Variants in TENM2 observed in about 807,000 individuals in gnomAD.
TENM2 encodes teneurin-2.
In TENM2, 52 loss-of-function variants were observed where a neutral mutation model predicts 245.2. The ratio of observed to expected loss-of-function variants is 0.21; its 90% CI spans 0.17 to 0.27. The LOEUF is 0.27. TENM2 is among the 10% of genes least tolerant of loss of function. The pLI is 1.00. For synonymous variants in TENM2, 1,363 were observed against 1,438.9 expected (o/e 0.95, Z 1.19); for missense variants, 3,046 against 3,666.8 (o/e 0.83, Z 4.37).
intron 3 of TENM2, among the ~76,000 whole-genome samples, chr5:167,946,965 A>C (rs1247658323): frequency 6.6e-6 from 1 of 152,170 alleles, no homozygotes; most frequent in Non-Finnish European, 1.5e-5. Flanking sequence ...GAAATGGAGC[A>C]GTTCTGAATC....
intron 2 of TENM2, among the ~76,000 whole-genome samples, chr5:167,658,524 T>A (rs1166773661): frequency 6.6e-6 from 1 of 152,096 alleles, no homozygotes; most frequent in Non-Finnish European, 1.5e-5. Context: ...AGTTCTGCCC[T>A]TATGACTTAA....
chr5:168,048,735 A>G (rs1788831180), intron 6 of TENM2, among the ~76,000 whole-genome samples: 1 of 152,178 alleles, frequency 6.6e-6, no homozygotes, highest in Non-Finnish European at 1.5e-5. Context: ...ATGCTGCTTC[A>G]ATTATCCTCC....
the TENM2 span, among the ~76,000 whole-genome samples, chr5:167,236,757 A>AACATCCAC: frequency 6.6e-6 from 1 of 152,204 alleles, no homozygotes; most frequent in African/African-American, 2.4e-5. Flanking sequence ...GAGTCAGTAG[A>AACATCCAC]ACATCCACGG....
intron 4 of TENM2, among the ~76,000 whole-genome samples, chr5:167,961,963 C>T (rs987146630): frequency 5.9e-5 from 9 of 152,132 alleles, no homozygotes; most frequent in East Asian, 3.8e-4. Flanking sequence ...TAAGAACACA[C>T]GAAACACATA....
chr5:168,173,475 G>T (rs1025129425), intron 13 of TENM2, among the ~76,000 whole-genome samples: 1 of 152,126 alleles, frequency 6.6e-6, no homozygotes, highest in African/African-American at 2.4e-5. Flanking sequence ...ACCTCACAGT[G>T]AGTGTCGCCT....
At chr5:167,323,602 T>G (rs1188677403) in intron 1 of TENM2, among the ~76,000 whole-genome samples, 2 of 152,078 alleles carry the variant, frequency 1.3e-5, no homozygotes, top group South Asian at 4.2e-4. Context: ...TTTGAAGAAG[T>G]CAAAAAATTG....
chr5:167,777,269 A>G (rs2150808566), intron 2 of TENM2, among the ~76,000 whole-genome samples: 1 of 152,336 alleles, frequency 6.6e-6, no homozygotes, highest in South Asian at 2.1e-4. Flanking sequence ...TGGAATCTCA[A>G]TGTTGATAGT....
the TENM2 span, among the ~76,000 whole-genome samples, chr5:167,158,933 T>TCC: frequency 6.8e-6 from 1 of 146,044 alleles, no homozygotes; most frequent in Non-Finnish European, 1.5e-5. Context: ...TCTCTCTCTC[T>TCC]CCTTCTTTCT....
At chr5:167,918,290 A>G (rs994415071) in intron 3 of TENM2, among the ~76,000 whole-genome samples, 7 of 152,192 alleles carry the variant, frequency 4.6e-5, no homozygotes, top group Non-Finnish European at 1.0e-4. Flanking sequence ...AGCGCTGAAC[A>G]TTTTCAGGAT....
the TENM2 span, among the ~76,000 whole-genome samples, chr5:167,100,869 G>A: frequency 7.9e-5 from 12 of 152,068 alleles, no homozygotes; most frequent in South Asian, 2.1e-4. Flanking sequence ...AATAGAACAC[G>A]ATCTAAATAC....
At chr5:167,995,751 A>G (rs755735073) in intron 5 of TENM2, among the ~76,000 whole-genome samples, 11 of 152,242 alleles carry the variant, frequency 7.2e-5, no homozygotes, top group Non-Finnish European at 1.5e-4. Context: ...TAATGTGTAT[A>G]AATCACTTTG....
intron 16 of TENM2, 61 bp downstream of exon 18, chr5:168,199,175 A>G (rs919716078): frequency 1.3e-6 from 2 of 1,538,520 alleles, no homozygotes; most frequent in South Asian, 1.2e-5. Context: ...CCAACTGGAC[A>G]CTGCCTCTCC....
At chr5:167,973,682 A>G (rs923635221) in intron 4 of TENM2, among the ~76,000 whole-genome samples, 11 of 152,094 alleles carry the variant, frequency 7.2e-5, no homozygotes, top group Non-Finnish European at 1.3e-4. Flanking sequence ...CCCCAGCAAA[A>G]GGGCATTCCA....
intron 2 of TENM2, among the ~76,000 whole-genome samples, chr5:167,523,318 A>G (rs898664170): frequency 7.9e-5 from 12 of 152,164 alleles, no homozygotes; most frequent in African/African-American, 1.9e-4. Flanking sequence ...GCAGGTAACT[A>G]TTGAGCACGT....
chr5:167,557,565 A>G (rs570751702), intron 2 of TENM2, among the ~76,000 whole-genome samples: 13 of 152,358 alleles, frequency 8.5e-5, no homozygotes, highest in African/African-American at 2.9e-4. Context: ...CCAAGCATGT[A>G]GGAAATGCTT....
At chr5:167,342,454 C>T (rs917017960) in intron 1 of TENM2, among the ~76,000 whole-genome samples, 1 of 150,566 alleles carries the variant, frequency 6.6e-6, no homozygotes, top group African/African-American at 2.4e-5. Context: ...TGATATTAAC[C>T]CTGGTCATCT....
intron 2 of TENM2, among the ~76,000 whole-genome samples, chr5:167,707,928 G>A (rs1018260121): frequency 6.6e-6 from 1 of 152,162 alleles, no homozygotes; most frequent in Non-Finnish European, 1.5e-5. Context: ...CAGAATATTA[G>A]GTATGGTTTA....
intron 2 of TENM2, among the ~76,000 whole-genome samples, chr5:167,527,916 G>A (rs1284309293): frequency 6.6e-6 from 1 of 152,118 alleles, no homozygotes; most frequent in African/African-American, 2.4e-5. Context: ...GCACCAAGAT[G>A]TCATGTAGCT....
intron 1 of TENM2, among the ~76,000 whole-genome samples, chr5:167,337,420 ATAAG>A (rs1399298458): frequency 2.1e-4 from 32 of 152,222 alleles, no homozygotes; most frequent in Non-Finnish European, 4.1e-4. Context: ...ATATAACACA[ATAAG>A]TAAGAGATGT....
Sources: gnomAD v4.1 joint callset for allele counts (sites outside exome capture counted in the v4.1 genomes callset) on GRCh38, gnomAD v4.1.1 for gene constraint, MANE v1.5 for transcripts, NCBI Gene and HGNC (gene_info 2026-07-23, HGNC 2026-07-21) for gene names.